Variants in CAMK4 observed in about 807,000 individuals in gnomAD.
CAMK4 encodes calcium/calmodulin dependent protein kinase IV.
In CAMK4, 22 loss-of-function variants were observed where a neutral mutation model predicts 44.9. That is an observed-to-expected ratio of 0.49 (90% CI 0.35 to 0.70). The LOEUF (loss-of-function observed/expected upper bound fraction) is 0.70. Ranked by LOEUF, CAMK4 falls within the 30% of genes least tolerant of loss-of-function variation. The pLI, the probability that CAMK4 is intolerant of heterozygous loss-of-function variation, is 0.01. For missense variants in CAMK4, 498 were observed against 586.8 expected (o/e 0.85, Z 1.56); for synonymous variants, 218 against 215.4 (o/e 1.01, Z -0.11).
chr5:111,344,087 A>G lies in CAMK4; in HGVS notation c.225A>G (p.Lys75=). The part of the protein sequence containing the change: ...QKGTQKPYAL[K]VLKKTVDKKI... The stretch of plus-strand genomic sequence containing the variant: ...GGACCCAGAAGCCTTATGCTCTCAA[A>G]GTGTTAAAGAAAACAGTAAGTTTAT... The change falls in exon 2 of 11, where the codon AAA becomes AAG. Residue 75 remains lysine, a synonymous_variant. Coordinates refer to ENST00000282356, the MANE Select transcript of CAMK4 (RefSeq NM_001744.6). 6.3e-7 allele frequency: 1 copy of G among 1,597,744 alleles called. No individual in the cohort carries two copies.
At chr5:111,368,861 A>G (rs995635655) in intron 2 of CAMK4, among the ~76,000 whole-genome samples, 30 of 152,008 alleles carry the variant, frequency 2.0e-4, no homozygotes, top group Admixed American at 1.8e-3. Flanking sequence ...CACATTATTT[A>G]TCCTGGGCCC....
chr5:111,435,543 CA>C (rs1229094269), intron 5 of CAMK4, among the ~76,000 whole-genome samples: 4 of 152,192 alleles, frequency 2.6e-5, no homozygotes, highest in Non-Finnish European at 5.9e-5. Context: ...CTGGACAATG[CA>C]AACAGTTCAG....
At chr5:111,395,255 AAAG>A (rs1751963583) in intron 5 of CAMK4, among the ~76,000 whole-genome samples, 1 of 151,348 alleles carries the variant, frequency 6.6e-6, no homozygotes, top group Non-Finnish European at 1.5e-5. Context: ...AGAAAAAAGA[AAAG>A]AAAGAAAATG....
intron 5 of CAMK4, among the ~76,000 whole-genome samples, chr5:111,422,254 C>T (rs1191387023): frequency 6.6e-6 from 1 of 152,184 alleles, no homozygotes; most frequent in Non-Finnish European, 1.5e-5. Flanking sequence ...TTTCTTCTAC[C>T]TAGAGGTCTA....
At chr5:111,430,726 A>G (rs1232519908) in intron 5 of CAMK4, among the ~76,000 whole-genome samples, 3 of 152,182 alleles carry the variant, frequency 2.0e-5, no homozygotes, top group Non-Finnish European at 2.9e-5. Flanking sequence ...ATAAAATGAC[A>G]TAGCTGGAAA....
chr5:111,261,355 C>T lies in CAMK4; in HGVS notation c.161+36711C>T, dbSNP rs146752697. Among the ~76,000 whole-genome samples the T allele has an allele frequency of 9.8e-5, 15 of 152,288 alleles. No individual in the cohort carries two copies. In the East Asian group the frequency reaches 2.9e-3, roughly 29 times the overall value. ...TATGCACTAGTTATTGTTTGCTAAG[C>T]GTAGCACACATTACCCAGCTGCACC... On this transcript the variant is annotated intron_variant, in intron 1 of 10. Coordinates refer to ENST00000282356, the MANE Select transcript of CAMK4 (RefSeq NM_001744.6).
chr5:111,430,162 CAT>C (rs1407464164), intron 5 of CAMK4, among the ~76,000 whole-genome samples: 3 of 152,102 alleles, frequency 2.0e-5, no homozygotes, highest in African/African-American at 7.2e-5. Context: ...GATGGTTCAA[CAT>C]ATGCAAATCA....
intron 5 of CAMK4, 76 bp from the exon 6 acceptor site, chr5:111,446,610 C>G: frequency 1.3e-6 from 1 of 755,986 alleles, no homozygotes; most frequent in Non-Finnish European, 2.2e-6. Flanking sequence ...ACTTATAGTT[C>G]TTAAAAGATT....
chr5:111,265,021 C>G (rs536970150), intron 1 of CAMK4, among the ~76,000 whole-genome samples: 24 of 152,240 alleles, frequency 1.6e-4, no homozygotes, highest in Middle Eastern at 3.4e-3. Context: ...GAGACACCCT[C>G]TATCACCACC....
rs1317804336 is a variant in CAMK4, at chr5:111,489,110, A to C, written c.*4644A>C. On this transcript the variant is annotated 3_prime_UTR_variant, in exon 11 of 11. Transcript: ENST00000282356. The stretch of plus-strand genomic sequence containing the variant: ...GTCTGCATTTAAAAAAATTGTGTAC[A>C]TGTTATTTCACTATTGGTATTACAA... 2 of 152,214 alleles carry C rather than the reference A, an allele frequency of 1.3e-5. No individual in the cohort carries two copies. Among genetic ancestry groups the C allele is most frequent in the South Asian group, 2.1e-4 (1 of 4,832 alleles). 9.4% of individuals were successfully genotyped at this position (152,214 alleles called of 1,614,324 possible).
At chr5:111,433,938 G>T (rs1257394303) in intron 5 of CAMK4, among the ~76,000 whole-genome samples, 1 of 152,180 alleles carries the variant, frequency 6.6e-6, no homozygotes, top group Non-Finnish European at 1.5e-5. Context: ...TGATTGACAT[G>T]AGTTAATTTG....
At chr5:111,433,512 A>G (rs985343199) in intron 5 of CAMK4, among the ~76,000 whole-genome samples, 3 of 152,206 alleles carry the variant, frequency 2.0e-5, no homozygotes, top group Non-Finnish European at 4.4e-5. Context: ...TAACCTTGGA[A>G]ATCACACATC....
At chr5:111,403,482 C>T (rs1172215647) in intron 5 of CAMK4, among the ~76,000 whole-genome samples, 2 of 152,012 alleles carry the variant, frequency 1.3e-5, no homozygotes, top group African/African-American at 2.4e-5. Flanking sequence ...TTAATTAATA[C>T]AAAGTTTTAA....
At chr5:111,250,263 T>C (rs549964775) in intron 1 of CAMK4, among the ~76,000 whole-genome samples, 4 of 152,204 alleles carry the variant, frequency 2.6e-5, no homozygotes, top group Non-Finnish European at 5.9e-5. Context: ...TCAGACAGAG[T>C]ACATGAATAC....
chr5:111,265,507 A>T (rs1053485266), intron 1 of CAMK4, among the ~76,000 whole-genome samples: 6 of 152,178 alleles, frequency 3.9e-5, no homozygotes, highest in South Asian at 4.1e-4. Flanking sequence ...TATACTCCCT[A>T]AGAACCTCTA....
At chr5:111,310,248 A>G (rs898235781) in intron 1 of CAMK4, among the ~76,000 whole-genome samples, 3 of 152,180 alleles carry the variant, frequency 2.0e-5, no homozygotes, top group Admixed American at 6.5e-5. Flanking sequence ...CCTCACCTCC[A>G]TTCTCTAGTA....
At chr5:111,386,014 A>G (rs1486435037) in intron 4 of CAMK4, among the ~76,000 whole-genome samples, 2 of 152,162 alleles carry the variant, frequency 1.3e-5, no homozygotes, top group Non-Finnish European at 2.9e-5. Flanking sequence ...CAGCACCCAC[A>G]TTGATCCACA....
At chr5:111,289,844 C>G (rs1334367889) in intron 1 of CAMK4, among the ~76,000 whole-genome samples, 1 of 152,226 alleles carries the variant, frequency 6.6e-6, no homozygotes, top group Non-Finnish European at 1.5e-5. Flanking sequence ...AGCAGAAATG[C>G]TAGCTCTCAG....
At position 111,226,781 on chromosome 5, in the gene CAMK4, A is replaced by G. The variant is rs111622211; in HGVS notation, c.161+2137A>G. The stretch of plus-strand genomic sequence containing the variant: ...CTGTGGCTAATGGCCGGTGCCCAGC[A>G]TCAGAGAGAGTATCCTACCATGTAT... On this transcript the variant is annotated intron_variant, in intron 1 of 10. Transcript: ENST00000282356. 9.8e-3 allele frequency among the ~76,000 whole-genome samples: 1,490 copies of G among 152,350 alleles called. 26 individuals carry two copies. The highest frequency in any genetic ancestry group is 0.033 in the African/African-American group (1,388 of 41,582).
Sources: gnomAD v4.1 joint callset for allele counts (sites outside exome capture counted in the v4.1 genomes callset) on GRCh38, gnomAD v4.1.1 for gene constraint, MANE v1.5 for transcripts, NCBI Gene and HGNC (gene_info 2026-07-23, HGNC 2026-07-21) for gene names.